The following CACNA1C variants were observed in gnomAD, a reference collection of about 807,000 sequenced individuals.
CACNA1C encodes calcium voltage-gated channel subunit alpha1 C.
CACNA1C carries 30 observed loss-of-function variants against 229.0 expected under a neutral mutation model. The observed-to-expected ratio is 0.13, with a 90% CI of 0.10 to 0.18. CACNA1C has a LOEUF of 0.18. Among genes scored for constraint, CACNA1C ranks in the 10% least tolerant of loss-of-function variants. CACNA1C has a pLI of 1.00. For synonymous variants in CACNA1C, 1,114 were observed against 1,132.5 expected (o/e 0.98, Z 0.33); for missense variants, 1,658 against 2,845.0 (o/e 0.58, Z 9.49).
intron 38 of CACNA1C, 44 bp downstream of exon 38, chr12:2,669,079 A>G (rs532979900): frequency 7.5e-7 from 1 of 1,331,896 alleles, no homozygotes; most frequent in Non-Finnish European, 1.1e-6. Context: ...CAGAAGGTCT[A>G]GCAGACAATC....
At chr12:2,068,173 T>A (rs2060067125) in intron 1 of CACNA1C, among the ~76,000 whole-genome samples, 1 of 152,178 alleles carries the variant, frequency 6.6e-6, no homozygotes, top group Admixed American at 6.5e-5. Flanking sequence ...GATGTGAGTC[T>A]TTGATGCCAA....
intron 1 of CACNA1C, among the ~76,000 whole-genome samples, chr12:2,107,125 A>C: frequency 8.2e-6 from 1 of 122,098 alleles, no homozygotes; most frequent in African/African-American, 3.1e-5. Context: ...CTGGGTGCCC[A>C]CCCCGGGGAG....
chr12:2,326,228 T>A (rs550457444), intron 3 of CACNA1C, among the ~76,000 whole-genome samples: 1 of 152,248 alleles, frequency 6.6e-6, no homozygotes, highest in East Asian at 1.9e-4. Flanking sequence ...GTTAGGAGGA[T>A]AAAGGTGGAC....
intron 1 of CACNA1C, among the ~76,000 whole-genome samples, chr12:2,081,342 G>A (rs1161477109): frequency 2.0e-5 from 2 of 100,022 alleles, no homozygotes; most frequent in African/African-American, 4.3e-5. Flanking sequence ...AGGCTGAGGT[G>A]GGTGGATCAT....
intron 3 of CACNA1C, among the ~76,000 whole-genome samples, chr12:2,194,352 C>T (rs2097338086): frequency 6.6e-6 from 1 of 151,528 alleles, no homozygotes; most frequent in African/African-American, 2.4e-5. Flanking sequence ...CCTCCCTCTC[C>T]TCCTCCTCCC....
chr12:2,358,213 A>T (rs780135812), intron 3 of CACNA1C, among the ~76,000 whole-genome samples: 1 of 148,580 alleles, frequency 6.7e-6, no homozygotes, highest in East Asian at 2.0e-4. Context: ...ACCCCAGCCC[A>T]TCTGCCACCA....
At chr12:2,226,125 GCACACACACA>G (rs59055471) in intron 3 of CACNA1C, among the ~76,000 whole-genome samples, 8,812 of 142,734 alleles carry the variant, frequency 0.062, 505 homozygotes, top group East Asian at 0.2. Flanking sequence ...ATGGGGACGC[GCACACACACA>G]CACACACACA....
At chr12:2,276,187 A>G (rs1490103991) in intron 3 of CACNA1C, among the ~76,000 whole-genome samples, 2 of 152,162 alleles carry the variant, frequency 1.3e-5, no homozygotes, top group African/African-American at 4.8e-5. Flanking sequence ...ACACATAGGC[A>G]AGGATATGCT....
At chr12:2,443,957 G>T (rs2099252800) in intron 3 of CACNA1C, among the ~76,000 whole-genome samples, 1 of 152,118 alleles carries the variant, frequency 6.6e-6, no homozygotes, top group South Asian at 2.1e-4. Flanking sequence ...CATTTAGTCA[G>T]CACACGCACA....
intron 38 of CACNA1C, among the ~76,000 whole-genome samples, chr12:2,671,338 T>G (rs574656178): frequency 1.3e-5 from 2 of 152,260 alleles, no homozygotes; most frequent in African/African-American, 4.8e-5. Flanking sequence ...TTCACACATA[T>G]GTGTGTATAA....
chr12:2,264,448 A>G (rs1008974221), intron 3 of CACNA1C, among the ~76,000 whole-genome samples: 9 of 152,212 alleles, frequency 5.9e-5, no homozygotes, highest in Non-Finnish European at 8.8e-5. Flanking sequence ...CCTCTTACAG[A>G]TGGGGGAACT....
intron 3 of CACNA1C, among the ~76,000 whole-genome samples, chr12:2,230,517 G>T (rs1420974389): frequency 2.0e-5 from 3 of 152,216 alleles, no homozygotes. Flanking sequence ...AGGCTAAGAG[G>T]AGAACAGAAG....
At chr12:2,521,366 A>C (rs1374066555) in intron 9 of CACNA1C, among the ~76,000 whole-genome samples, 1 of 152,114 alleles carries the variant, frequency 6.6e-6, no homozygotes, top group Non-Finnish European at 1.5e-5. Context: ...ATGTGGATAG[A>C]GAGCAGCTGT....
chr12:2,117,684 G>A (rs1017803804), intron 2 of CACNA1C, among the ~76,000 whole-genome samples: 1 of 152,244 alleles, frequency 6.6e-6, no homozygotes, highest in African/African-American at 2.4e-5. Context: ...ATACTAGGTG[G>A]GACCGGTGAG....
rs560540312 is a variant in CACNA1C, at chr12:2,135,805, C to A, written c.477+15375C>A. On this transcript the variant is annotated intron_variant, in intron 3 of 46. Transcript: ENST00000399655. Reference sequence around the variant, plus strand: ...CAGAGGTGGAGCCTACAGAGGCAGGCAGGCCTCCTTGAGCTGTGGTAGGCT... The same window carrying A: ...CAGAGGTGGAGCCTACAGAGGCAGGAAGGCCTCCTTGAGCTGTGGTAGGCT... Among the ~76,000 whole-genome samples the A allele has an allele frequency of 6.1e-5, 9 of 146,756 alleles. 1 individual carries two copies. The South Asian group carries it at 1.9e-3, about 31-fold the overall frequency.
chr12:2,209,476 G>T (rs1396335235), intron 3 of CACNA1C, among the ~76,000 whole-genome samples: 2 of 152,196 alleles, frequency 1.3e-5, no homozygotes, highest in African/African-American at 4.8e-5. Context: ...GGGGAGGCAC[G>T]CCCGTGGCTG....
rs557484052 is a variant in CACNA1C, at chr12:2,266,920, T to C, written c.477+146490T>C. Among the ~76,000 whole-genome samples, 4 of 152,336 alleles carry C rather than the reference T, an allele frequency of 2.6e-5. No homozygotes were observed. The South Asian group carries it at 8.3e-4, about 32-fold the overall frequency. On this transcript the variant is annotated intron_variant, in intron 3 of 46. Transcript: ENST00000399655. ...TGCTCTTCTGTCAACCAAGGGATAATGAAGCTACACTGACTGGTTACTCAC... is the reference window on the plus strand; with the variant it reads ...TGCTCTTCTGTCAACCAAGGGATAACGAAGCTACACTGACTGGTTACTCAC...
chr12:2,430,759 A>G (rs2099075183), intron 3 of CACNA1C, among the ~76,000 whole-genome samples: 2 of 151,942 alleles, frequency 1.3e-5, no homozygotes, highest in Admixed American at 6.5e-5. Context: ...CCCCAGGTGT[A>G]TAGGAGGCCC....
At chr12:2,224,172 C>G (rs1340951526) in intron 3 of CACNA1C, among the ~76,000 whole-genome samples, 4 of 152,180 alleles carry the variant, frequency 2.6e-5, no homozygotes, top group Non-Finnish European at 5.9e-5. Context: ...TGGTTTGTTT[C>G]TGCTTTGTAA....
Sources: allele counts gnomAD v4.1 joint callset (sites outside exome capture counted in the v4.1 genomes callset), GRCh38; gene constraint gnomAD v4.1.1; transcripts MANE v1.5; gene names NCBI Gene and HGNC (gene_info 2026-07-23, HGNC 2026-07-21).